The following PLCH1 variants were observed in gnomAD, a reference collection of about 807,000 sequenced individuals.
PLCH1 encodes the protein phospholipase C eta 1.
Under a neutral mutation model 126.7 loss-of-function variants are expected in PLCH1, and 60 were observed. The observed-to-expected ratio is 0.47, with a 90% CI of 0.38 to 0.59. The LOEUF is 0.59. Ranked by LOEUF, PLCH1 falls within the 20% of genes least tolerant of loss-of-function variation. The pLI, the probability that PLCH1 is intolerant of heterozygous loss-of-function variation, is 0.00. For synonymous variants in PLCH1, 719 were observed against 734.9 expected (o/e 0.98, Z 0.35); for missense variants, 1,723 against 2,040.0 (o/e 0.84, Z 2.99).
chr3:155,514,892 GAATT>G lies in PLCH1; in HGVS notation c.1471-12_1471-9del. The G allele has an allele frequency of 6.4e-7, 1 of 1,572,778 alleles. No individual in the cohort carries two copies. Among genetic ancestry groups the G allele is most frequent in the Non-Finnish European group, 8.7e-7 (1 of 1,155,164 alleles). ...CTCAGTGGTCCCATTACTCTGCAAA[GAATT>G]AAGTAACACAAATGATTTCCTTAAG... On this transcript the variant is annotated splice_polypyrimidine_tract_variant and intron_variant, in intron 11 of 22. Transcript: ENST00000460012.
At chr3:155,685,624 A>G (rs932757672) in intron 2 of PLCH1, among the ~76,000 whole-genome samples, 3 of 152,216 alleles carry the variant, frequency 2.0e-5, no homozygotes, top group African/African-American at 7.2e-5. Flanking sequence ...CAGTAACTTA[A>G]CAATCCAAGC....
chr3:155,665,108 C>T (rs1288449407), intron 2 of PLCH1, among the ~76,000 whole-genome samples: 1 of 141,108 alleles, frequency 7.1e-6, no homozygotes, highest in African/African-American at 2.5e-5. Flanking sequence ...TTCTTTTCTC[C>T]TTCCATTTGG....
chr3:155,543,145 A>C (rs977953450), intron 10 of PLCH1, among the ~76,000 whole-genome samples: 4 of 152,324 alleles, frequency 2.6e-5, no homozygotes, highest in Non-Finnish European at 5.9e-5. Flanking sequence ...TTTGAAAAAA[A>C]TTTAGACGAA....
At position 155,497,310 on chromosome 3, in the gene PLCH1, C is replaced by T; in HGVS notation, c.1894+10G>A. 6.4e-7 allele frequency: 1 copy of T among 1,556,558 alleles called. No homozygotes were observed. Among genetic ancestry groups the T allele is most frequent in the Non-Finnish European group, 8.9e-7 (1 of 1,128,188 alleles). ...ATTCAGAGCAGAATGAGAAAACTCT[C>T]CATCCTTACCGTCATCCACAATGTC... On this transcript the variant is annotated intron_variant, in intron 15 of 22. Coordinates refer to ENST00000460012, the MANE Select transcript of PLCH1 (RefSeq NM_014996.4).
chr3:155,660,685 C>A (rs897789358), intron 2 of PLCH1, among the ~76,000 whole-genome samples: 1 of 152,226 alleles, frequency 6.6e-6, no homozygotes, highest in Non-Finnish European at 1.5e-5. Context: ...TTCTATCCAT[C>A]TACCCATATC....
chr3:155,534,062 C>T (rs1325727091), intron 10 of PLCH1, among the ~76,000 whole-genome samples: 3 of 152,176 alleles, frequency 2.0e-5, no homozygotes, highest in Non-Finnish European at 4.4e-5. Context: ...ATACAAAATC[C>T]CCACTGGACC....
rs1714925834 is a variant in PLCH1 at position 155,485,530 on chromosome 3, T to C, written c.2800A>G (p.Ile934Val). ...GTGGCCTCGGACACAGAATCCTTTA[T>C]CTCCACCATTTCTTGGAAGCCCATT... ...SKMGFQEMVE[I>V]KDSVSEATRD... The change falls in exon 22 of 23, where the codon ATA (isoleucine) becomes GTA (valine). Residue 934 changes from isoleucine to valine, a missense_variant. Ile to Val is a conservative substitution (Grantham distance 29). Transcript: ENST00000460012. The C allele has an allele frequency of 6.2e-7, 1 of 1,614,222 alleles. No homozygotes were observed. Among genetic ancestry groups the C allele is most frequent in the South Asian group, 1.1e-5 (1 of 91,080 alleles).
chr3:155,635,865 C>T (rs73005096), intron 2 of PLCH1, among the ~76,000 whole-genome samples: 8,142 of 152,188 alleles, frequency 0.053, 458 homozygotes, highest in African/African-American at 0.13. Flanking sequence ...AATAAGAGAA[C>T]GACAAATTGC....
intron 2 of PLCH1, among the ~76,000 whole-genome samples, chr3:155,644,263 C>T (rs894082799): frequency 1.3e-5 from 2 of 152,172 alleles, no homozygotes; most frequent in Admixed American, 6.5e-5. Flanking sequence ...GCTATTTAAT[C>T]TCCAATTTGA....
intron 3 of PLCH1, among the ~76,000 whole-genome samples, chr3:155,595,712 G>GTATCTATC (rs550937783): frequency 3.3e-4 from 50 of 152,024 alleles, no homozygotes; most frequent in Admixed American, 2.0e-3. Context: ...ATACATCTAT[G>GTATCTATC]TATCTATCTA....
Position 155,485,572 on chromosome 3 carries a change from C to A in PLCH1, c.2758G>T (p.Gly920Cys). Residue 920 changes from glycine to cysteine, a missense_variant, in exon 22 of 23, where the codon GGC becomes TGC. By Grantham distance (159) the Gly-to-Cys change is radical. This residue lies in a region of PLCH1 where 947 missense variants were observed against 977.1 expected (regional missense o/e 0.97). Transcript: ENST00000460012. ...LRRTASAPAK[G>C]RKKSKMGFQE... ...AAGCCCATTTTGCTCTTTTTCCTGCCTTTGGCTGGGGCGCTAGCTGTGCGT... is the reference window on the plus strand; with the variant it reads ...AAGCCCATTTTGCTCTTTTTCCTGCATTTGGCTGGGGCGCTAGCTGTGCGT... 6.2e-7 allele frequency: 1 copy of A among 1,614,160 alleles called. No individual in the cohort carries two copies. The highest frequency in any genetic ancestry group is 8.5e-7 in the Non-Finnish European group (1 of 1,180,014).
intron 6 of PLCH1, among the ~76,000 whole-genome samples, chr3:155,578,364 C>T (rs1730238465): frequency 6.6e-6 from 1 of 152,124 alleles, no homozygotes; most frequent in Admixed American, 6.6e-5. Flanking sequence ...AAGAAAGCAA[C>T]AACAAAATTC....
At chr3:155,451,342 T>C (rs952300354) in intron 21 of PLCH1, among the ~76,000 whole-genome samples, 7 of 152,176 alleles carry the variant, frequency 4.6e-5, no homozygotes, top group Non-Finnish European at 1.5e-5. Context: ...AGGAAAATAA[T>C]GTTAAGTGAA....
chr3:155,612,811 G>A (rs1163572257), intron 2 of PLCH1, among the ~76,000 whole-genome samples: 2 of 150,174 alleles, frequency 1.3e-5, no homozygotes, highest in African/African-American at 4.9e-5. Context: ...GGAGGGCTGA[G>A]ACAGGAGAAT....
intron 2 of PLCH1, among the ~76,000 whole-genome samples, chr3:155,616,511 G>T (rs942269847): frequency 6.6e-6 from 1 of 152,128 alleles, no homozygotes; most frequent in African/African-American, 2.4e-5. Flanking sequence ...ACAGAAAATT[G>T]TAAAAGGTTA....
chr3:155,589,022 T>A (rs1346310515), intron 4 of PLCH1, among the ~76,000 whole-genome samples: 1 of 152,210 alleles, frequency 6.6e-6, no homozygotes, highest in African/African-American at 2.4e-5. Context: ...AATAAAGCCC[T>A]GAATTAATAA....
chr3:155,659,540 C>T (rs936370599), intron 2 of PLCH1, among the ~76,000 whole-genome samples: 4 of 151,510 alleles, frequency 2.6e-5, no homozygotes, highest in Non-Finnish European at 5.9e-5. Flanking sequence ...CTCTCTGTTG[C>T]CCAGGCTGGA....
At chr3:155,643,516 T>C (rs1425989656) in intron 2 of PLCH1, among the ~76,000 whole-genome samples, 1 of 152,228 alleles carries the variant, frequency 6.6e-6, no homozygotes, top group Non-Finnish European at 1.5e-5. Context: ...AATTTTAGGG[T>C]AATTTGTTGT....
At chr3:155,590,176 A>C (rs1191947954) in intron 4 of PLCH1, among the ~76,000 whole-genome samples, 2 of 152,204 alleles carry the variant, frequency 1.3e-5, no homozygotes, top group Non-Finnish European at 2.9e-5. Context: ...TTTCATTCAC[A>C]GTTGAAATTT....
Sources: allele counts gnomAD v4.1 joint callset (sites outside exome capture counted in the v4.1 genomes callset), GRCh38; gene constraint gnomAD v4.1.1; regional missense constraint gnomAD v4.1.1; transcripts MANE v1.5; gene names NCBI Gene and HGNC (gene_info 2026-07-23, HGNC 2026-07-21).